The following ENSA variants were observed in gnomAD, a reference collection of about 807,000 sequenced individuals.
ENSA encodes the protein endosulfine alpha.
A neutral mutation model predicts 16.8 loss-of-function variants in ENSA; 7 were observed. That is an observed-to-expected ratio of 0.42 (90% CI 0.24 to 0.78). The LOEUF (loss-of-function observed/expected upper bound fraction) is 0.78. ENSA is among the 30% of genes least tolerant of loss of function. The pLI is 0.29. For missense variants in ENSA, 87 were observed against 142.3 expected (o/e 0.61, Z 1.98); for synonymous variants, 58 against 53.4 (o/e 1.09, Z -0.37).
At chr1:150,626,650 G>A (rs1327503513) in intron 2 of ENSA, 5 of 638,574 alleles carry the variant, frequency 7.8e-6, no homozygotes, top group East Asian at 6.9e-5. Flanking sequence ...TCCGCCTCCC[G>A]GGTTCACGCC....
intron 2 of ENSA, 106 bp from the exon 3 acceptor site, chr1:150,625,914 CT>C: frequency 6.9e-7 from 1 of 1,454,628 alleles, no homozygotes; most frequent in Non-Finnish European, 9.1e-7. Flanking sequence ...ACACTCGGAT[CT>C]TTCAAGAAGT....
intron 2 of ENSA, chr1:150,627,224 T>C (rs1649394210): frequency 6.6e-7 from 1 of 1,508,632 alleles, no homozygotes; most frequent in Non-Finnish European, 8.8e-7. Context: ...CTTTCCCTCA[T>C]TTCCCCACAC....
At chr1:150,624,042 C>T (rs1451978292) in intron 3 of ENSA, 3 of 985,328 alleles carry the variant, frequency 3.0e-6, no homozygotes, top group African/African-American at 1.7e-5. Context: ...ATTACAGAAT[C>T]TTGCTCTCTT....
Position 150,622,926 on chromosome 1 carries a change from G to C in ENSA, c.351-67C>G, listed in dbSNP as rs1347949919. On this transcript the variant is annotated intron_variant, in intron 3 of 3. Coordinates refer to ENST00000369014, the MANE Select transcript of ENSA (RefSeq NM_004436.4). ...TCAAGTAATAGGGGAAAAAAACCCT[G>C]AACTCCAACCCAGTCTCTACCCCAT... is the stretch of plus-strand genomic sequence containing the variant. 3 of 1,519,736 alleles carry C rather than the reference G, an allele frequency of 2.0e-6. No homozygotes were observed. In the East Asian group the frequency reaches 7.4e-5, roughly 37 times the overall value. The allele number at this position is 1,519,736 out of a possible 1,614,324, so 94.1% of individuals were successfully genotyped here.
In ENSA at chr1:150,629,412, A is replaced by G; in HGVS notation, c.57+2T>C. ...CGCCCGCCCGCACCCCTTCCACTTC[A>G]CCTGCTTCTCCTCGCCGGTCTCCTC... On this transcript the variant is annotated splice_donor_variant, in intron 1 of 3. Transcript: ENST00000369014. LOFTEE classifies it high-confidence loss of function. 6.2e-7 allele frequency: 1 copy of G among 1,612,842 alleles called. No individual in the cohort carries two copies. Among genetic ancestry groups the G allele is most frequent in the Non-Finnish European group, 8.5e-7 (1 of 1,179,480 alleles).
chr1:150,623,555 G>A, intron 3 of ENSA: 8 of 985,658 alleles, frequency 8.1e-6, no homozygotes, highest in Non-Finnish European at 9.6e-6. Flanking sequence ...GAATGATAGA[G>A]AAGGCAGCTC....
chr1:150,625,206 T>G (rs924855493), intron 3 of ENSA: 28 of 987,058 alleles, frequency 2.8e-5, no homozygotes, highest in Non-Finnish European at 3.4e-5. Flanking sequence ...ACAGAACACT[T>G]AGAAGCACAG....
rs759685925 is a variant in ENSA, at chr1:150,629,513, A to T, written c.-43T>A. ...GGAGTGTAAGGGGCCCGGGAAGGCA[A>T]CCGGAGAAGGGAAGGGGGAGGGGAA... On this transcript the variant is annotated 5_prime_UTR_variant, in exon 1 of 4. In the 5' UTR this introduces an upstream ATG that the reference lacks. Coordinates refer to ENST00000369014, the MANE Select transcript of ENSA (RefSeq NM_004436.4). The T allele has an allele frequency of 5.6e-6, 9 of 1,601,456 alleles. No individual in the cohort carries two copies. The highest frequency in any genetic ancestry group is 1.3e-5 in the African/African-American group (1 of 74,436).
At chr1:150,625,442 T>C (rs747437375) in intron 3 of ENSA, 200 bp downstream of exon 3, 114 of 1,304,882 alleles carry the variant, frequency 8.7e-5, no homozygotes, top group South Asian at 3.5e-4. Flanking sequence ...AGGGAGTGTG[T>C]GGAAGTGTCA....
intron 2 of ENSA, chr1:150,626,923 G>T: frequency 2.3e-6 from 1 of 429,880 alleles, no homozygotes; most frequent in African/African-American, 2.2e-5. Flanking sequence ...CTGATCAGGA[G>T]CTACATGGCT....
intron 3 of ENSA, chr1:150,624,325 G>A (rs1649156950): frequency 1.0e-6 from 1 of 985,926 alleles, no homozygotes; most frequent in Non-Finnish European, 1.2e-6. Flanking sequence ...CTAAGAACCT[G>A]TTCCTCCAGC....
At chr1:150,626,280 C>G (rs935286352) in intron 2 of ENSA, among the ~76,000 whole-genome samples, 3 of 152,188 alleles carry the variant, frequency 2.0e-5, no homozygotes, top group Non-Finnish European at 4.4e-5. Flanking sequence ...TTCTCCCAGA[C>G]CAGGAATAGA....
intron 2 of ENSA, chr1:150,626,996 A>C (rs1018433115): frequency 9.6e-7 from 1 of 1,039,064 alleles, no homozygotes; most frequent in African/African-American, 1.7e-5. Context: ...CATTTGCTGC[A>C]GGAGTATAAT....
At chr1:150,627,329 TTTTCAAA>T (rs1649406040) in intron 2 of ENSA, 131 bp downstream of exon 2, 1 of 1,603,352 alleles carries the variant, frequency 6.2e-7, no homozygotes, top group African/African-American at 1.3e-5. Flanking sequence ...TGACTTGCTC[TTTTCAAA>T]TTTCAAATTC....
chr1:150,622,944 T>C, intron 3 of ENSA, 85 bp from the exon 4 acceptor site: 2 of 1,462,694 alleles, frequency 1.4e-6, no homozygotes, highest in South Asian at 2.6e-5. Context: ...ACCCAGTCTC[T>C]ACCCCATGAT....
chr1:150,625,587 T>C, intron 3 of ENSA, 55 bp downstream of exon 3: 1 of 1,507,028 alleles, frequency 6.6e-7, no homozygotes, highest in Non-Finnish European at 8.9e-7. Context: ...TCCCTGCCTA[T>C]AATATATAAA....
chr1:150,629,218 C>CAGGAAG, intron 1 of ENSA, 196 bp downstream of exon 1: 1 of 1,572,608 alleles, frequency 6.4e-7, no homozygotes, highest in Non-Finnish European at 8.7e-7. Context: ...AGGAAGAGTA[C>CAGGAAG]AGTACTGAGT....
At chr1:150,623,459 C>G in intron 3 of ENSA, 1 of 985,706 alleles carries the variant, frequency 1.0e-6, no homozygotes. Flanking sequence ...CAGAGTGAGA[C>G]CAACAGTTTT....
At chr1:150,627,182 C>T in intron 2 of ENSA, 1 of 1,485,694 alleles carries the variant, frequency 6.7e-7, no homozygotes, top group Non-Finnish European at 8.9e-7. Flanking sequence ...AGGCAAATGC[C>T]TGGGGGCAGT....
Sources: allele counts gnomAD v4.1 joint callset (sites outside exome capture counted in the v4.1 genomes callset), GRCh38; gene constraint gnomAD v4.1.1; transcripts MANE v1.5; gene names NCBI Gene and HGNC (gene_info 2026-07-23, HGNC 2026-07-21).